The following NOVA1 variants were observed in gnomAD, a reference collection of about 807,000 sequenced individuals.
NOVA1 encodes NOVA alternative splicing regulator 1, also known as RNA-binding protein Nova-1.
In NOVA1, 7 loss-of-function variants were observed where a neutral mutation model predicts 38.0. The observed-to-expected ratio is 0.18, with a 90% CI of 0.10 to 0.35. The LOEUF is 0.35. Ranked by LOEUF, NOVA1 falls within the 10% of genes least tolerant of loss-of-function variation. The pLI, the probability that NOVA1 is intolerant of heterozygous loss-of-function variation, is 1.00. For missense variants in NOVA1, 460 were observed against 616.0 expected (o/e 0.75, Z 2.68); for synonymous variants, 270 against 232.5 (o/e 1.16, Z -1.47).
intron 2 of NOVA1, among the ~76,000 whole-genome samples, chr14:26,584,175 A>G (rs1375294316): frequency 5.9e-5 from 9 of 151,596 alleles, no homozygotes; most frequent in African/African-American, 1.9e-4. Flanking sequence ...TACTTGGCAC[A>G]TAACTGGTTA....
intron 2 of NOVA1, among the ~76,000 whole-genome samples, chr14:26,520,821 T>C (rs1248634486): frequency 2.0e-5 from 3 of 152,188 alleles, no homozygotes; most frequent in East Asian, 3.9e-4. Flanking sequence ...TAAAAATAAT[T>C]AGCTAGATAA....
chr14:26,570,068 C>T lies in NOVA1; in HGVS notation c.280+25342G>A, dbSNP rs140267044. Among the ~76,000 whole-genome samples, 17 of 152,138 alleles carry T rather than the reference C, an allele frequency of 1.1e-4. 1 individual carries two copies. The East Asian group carries it at 2.9e-3, about 26-fold the overall frequency. On this transcript the variant is annotated intron_variant, in intron 2 of 4. Transcript: ENST00000539517. The stretch of plus-strand genomic sequence containing the variant: ...TTCAAATAAAAGTATAAACTAAGGC[C>T]GGATGCAGTGTCTCATGCCTGTAAT...
At chr14:26,506,674 G>T (rs1335380084) in intron 2 of NOVA1, among the ~76,000 whole-genome samples, 1 of 152,042 alleles carries the variant, frequency 6.6e-6, no homozygotes, top group African/African-American at 2.4e-5. Flanking sequence ...CTGCCTCTCG[G>T]GTTCAAGGGA....
At chr14:26,569,875 TAAAAC>T (rs1037286011) in intron 2 of NOVA1, among the ~76,000 whole-genome samples, 46 of 152,310 alleles carry the variant, frequency 3.0e-4, no homozygotes, top group Middle Eastern at 3.4e-3. Context: ...CTATCATAAA[TAAAAC>T]AAAACCTAAA....
At chr14:26,485,453 G>A (rs1885809771) in intron 2 of NOVA1, among the ~76,000 whole-genome samples, 1 of 152,090 alleles carries the variant, frequency 6.6e-6, no homozygotes, top group African/African-American at 2.4e-5. Context: ...GGTACTAGGA[G>A]AAATAATGGA....
intron 3 of NOVA1, 177 bp downstream of exon 3, chr14:26,479,800 T>G: frequency 1.9e-6 from 1 of 522,754 alleles, no homozygotes; most frequent in East Asian, 3.1e-5. Flanking sequence ...ATCAATAAAT[T>G]AACTGATCAA....
At chr14:26,523,923 T>C (rs2138516314) in intron 2 of NOVA1, among the ~76,000 whole-genome samples, 1 of 152,116 alleles carries the variant, frequency 6.6e-6, no homozygotes, top group African/African-American at 2.4e-5. Context: ...GCTAATTTTT[T>C]TGTATTTTTA....
chr14:26,511,053 A>G (rs2138452312), intron 2 of NOVA1, among the ~76,000 whole-genome samples: 1 of 25,756 alleles, frequency 3.9e-5, no homozygotes, highest in African/African-American at 5.6e-5. Context: ...AGTTAACTGT[A>G]CTGTGTCCTC....
intron 2 of NOVA1, among the ~76,000 whole-genome samples, chr14:26,494,156 C>A (rs1216191837): frequency 6.6e-6 from 1 of 152,192 alleles, no homozygotes; most frequent in East Asian, 1.9e-4. Flanking sequence ...TAAATTTCTT[C>A]ATAGTGCTCT....
In NOVA1 at chr14:26,443,934, T is replaced by C. The variant is rs879533006; in HGVS notation, c.*4025A>G. On this transcript the variant is annotated 3_prime_UTR_variant, in exon 5 of 5. Transcript: ENST00000539517. ...CAAATAGTGCCTGTGATGTAAGGGG[T>C]ATTAAATTATATTTTCATCTCTCAA... is the stretch of plus-strand genomic sequence containing the variant. The C allele has an allele frequency of 6.6e-6, 1 of 151,994 alleles. No homozygotes were observed. Among genetic ancestry groups the C allele is most frequent in the African/African-American group, 2.4e-5 (1 of 41,406 alleles). 9.4% of individuals were successfully genotyped at this position (151,994 alleles called of 1,614,324 possible). A position where few individuals can be genotyped will look rare whatever the true frequency, so the allele number is the denominator to read the frequency against.
intron 2 of NOVA1, among the ~76,000 whole-genome samples, chr14:26,499,913 C>T (rs1042650836): frequency 2.0e-5 from 3 of 152,078 alleles, no homozygotes; most frequent in African/African-American, 7.2e-5. Context: ...TACTATAAAA[C>T]TTCTCCTAAC....
chr14:26,458,951 G>A (rs1391411464), intron 4 of NOVA1, among the ~76,000 whole-genome samples: 6 of 151,984 alleles, frequency 3.9e-5, no homozygotes, highest in Non-Finnish European at 5.9e-5. Context: ...AAAAATATAC[G>A]AAGCAAAAAG....
chr14:26,495,189 C>T (rs73599907), intron 2 of NOVA1, among the ~76,000 whole-genome samples: 3,212 of 152,200 alleles, frequency 0.021, 100 homozygotes, highest in African/African-American at 0.073. Flanking sequence ...TCATAAAAGA[C>T]TTAGCTCAAT....
chr14:26,575,871 GA>G (rs888419502), intron 2 of NOVA1, among the ~76,000 whole-genome samples: 42 of 151,754 alleles, frequency 2.8e-4, no homozygotes, highest in African/African-American at 8.0e-4. Flanking sequence ...AGTACAGAAT[GA>G]AAAAAACATT....
At chr14:26,470,161 G>T in intron 4 of NOVA1, 1 of 802,124 alleles carries the variant, frequency 1.2e-6, no homozygotes, top group Non-Finnish European at 1.6e-6. Flanking sequence ...AATATTGACA[G>T]TCCATTAGTT....
intron 3 of NOVA1, 153 bp downstream of exon 3, chr14:26,479,824 C>A (rs564060390): frequency 2.8e-6 from 2 of 708,632 alleles, no homozygotes; most frequent in East Asian, 2.7e-5. Flanking sequence ...AAGGATGAGA[C>A]CTTGATAGTC....
chr14:26,483,051 A>G (rs1437746599), intron 2 of NOVA1, among the ~76,000 whole-genome samples: 2 of 152,202 alleles, frequency 1.3e-5, no homozygotes, highest in Non-Finnish European at 2.9e-5. Flanking sequence ...AAAAAGTATA[A>G]TAAGAAGGGG....
rs1290064718 is a variant in NOVA1 at position 26,443,746 on chromosome 14, T to C, written c.*4213A>G. 6.6e-6 allele frequency: 1 copy of C among 151,994 alleles called. No homozygotes were observed. Among genetic ancestry groups the C allele is most frequent in the East Asian group, 2.0e-4 (1 of 5,102 alleles). 9.4% of individuals were successfully genotyped at this position (151,994 alleles called of 1,614,324 possible). ...CAGAAGGCAAAATGAGTTCATCCTGTTTTCTAATCATGTGCAATTTTGTAT... is the reference window on the plus strand; with the variant it reads ...CAGAAGGCAAAATGAGTTCATCCTGCTTTCTAATCATGTGCAATTTTGTAT... On this transcript the variant is annotated 3_prime_UTR_variant, in exon 5 of 5. Transcript: ENST00000539517.
chr14:26,497,370 C>T (rs569121448), intron 2 of NOVA1, among the ~76,000 whole-genome samples: 11 of 152,186 alleles, frequency 7.2e-5, no homozygotes, highest in East Asian at 1.9e-4. Flanking sequence ...GGCCATACTG[C>T]CCAAGGTAAT....
Sources: gnomAD v4.1 joint callset for allele counts (sites outside exome capture counted in the v4.1 genomes callset) on GRCh38, gnomAD v4.1.1 for gene constraint, MANE v1.5 for transcripts, NCBI Gene and HGNC (gene_info 2026-07-23, HGNC 2026-07-21) for gene names.